The following PPP2R2A variants were observed in gnomAD, a reference collection of about 807,000 sequenced individuals.
PPP2R2A encodes serine/threonine-protein phosphatase 2A 55 kDa regulatory subunit B alpha isoform.
In PPP2R2A, 9 loss-of-function variants were observed where a neutral mutation model predicts 53.2. The ratio of observed to expected loss-of-function variants is 0.17; its 90% CI spans 0.10 to 0.30. The LOEUF (loss-of-function observed/expected upper bound fraction) is 0.30, where lower values mean the gene tolerates loss of function less well. PPP2R2A is among the 10% of genes least tolerant of loss of function. The pLI is 1.00. For synonymous variants in PPP2R2A, 169 were observed against 174.2 expected (o/e 0.97, Z 0.23); for missense variants, 235 against 534.6 (o/e 0.44, Z 5.53).
intron 1 of PPP2R2A, chr8:26,293,134 T>C: frequency 8.7e-7 from 1 of 1,148,824 alleles, no homozygotes; most frequent in Non-Finnish European, 1.2e-6. Context: ...TTCCTCTCTG[T>C]CTGGAGCCAG....
At chr8:26,336,650 G>C (rs912206807) in intron 2 of PPP2R2A, among the ~76,000 whole-genome samples, 27 of 152,202 alleles carry the variant, frequency 1.8e-4, no homozygotes, top group African/African-American at 6.0e-4. Context: ...GCTGAGGTGG[G>C]AGGATCACTG....
intron 3 of PPP2R2A, among the ~76,000 whole-genome samples, chr8:26,345,703 C>T (rs1804177527): frequency 6.6e-6 from 1 of 152,108 alleles, no homozygotes; most frequent in Non-Finnish European, 1.5e-5. Flanking sequence ...TGCCCCTTTG[C>T]AGTTACTGTG....
intron 2 of PPP2R2A, among the ~76,000 whole-genome samples, chr8:26,323,271 C>A (rs1177207776): frequency 6.6e-6 from 1 of 152,252 alleles, no homozygotes; most frequent in Admixed American, 6.5e-5. Flanking sequence ...AACACACACA[C>A]AGTTTCTTGC....
chr8:26,312,005 T>G lies in PPP2R2A; in HGVS notation c.82+18265T>G, dbSNP rs545029709. On this transcript the variant is annotated intron_variant, in intron 2 of 9. Transcript: ENST00000380737. ...GCTCCCCTTGCTACCTAGGGCAACG[T>G]TGTAAATAGCATATTTTTTACATTA... Among the ~76,000 whole-genome samples, 14 of 150,550 alleles carry G rather than the reference T, an allele frequency of 9.3e-5. No individual in the cohort carries two copies. In the East Asian group the frequency reaches 2.7e-3, roughly 29 times the overall value.
At chr8:26,314,124 A>G (rs1378805489) in intron 2 of PPP2R2A, among the ~76,000 whole-genome samples, 6 of 152,180 alleles carry the variant, frequency 3.9e-5, no homozygotes, top group Non-Finnish European at 7.3e-5. Flanking sequence ...CATGATCAAG[A>G]AGAATCAGTT....
rs1036784603 is a variant in PPP2R2A at position 26,371,705 on chromosome 8, A to T, written c.*1292A>T. 5 of 152,240 alleles carry T rather than the reference A, an allele frequency of 3.3e-5. No homozygotes were observed. Among genetic ancestry groups the T allele is most frequent in the African/African-American group, 9.6e-5 (4 of 41,462 alleles). 9.4% of individuals were successfully genotyped at this position (152,240 alleles called of 1,614,324 possible). On this transcript the variant is annotated 3_prime_UTR_variant, in exon 10 of 10. Transcript: ENST00000380737. ...ATTTTTGGTTTTCCAAAGCTATATG[A>T]AAGACAAATTTTTAAAGGTACAGCG...
Position 26,370,098 on chromosome 8 carries a change from T to C in PPP2R2A, c.1065-36T>C, listed in dbSNP as rs755743652. 2 of 1,579,366 alleles carry C rather than the reference T, an allele frequency of 1.3e-6. No individual in the cohort carries two copies. The highest frequency in any genetic ancestry group is 1.1e-5 in the South Asian group (1 of 87,744). ...TTTACTTGAAAACAATTTCTTGTTCTGCTTGTTTGACTGAGTGTACTGTCT... is the reference window on the plus strand; with the variant it reads ...TTTACTTGAAAACAATTTCTTGTTCCGCTTGTTTGACTGAGTGTACTGTCT... On this transcript the variant is annotated intron_variant, in intron 9 of 9. Transcript: ENST00000380737. The surrounding 1 kb of genome is among the most constrained non-coding windows in gnomAD (Gnocchi z 6.1).
At position 26,349,669 on chromosome 8, in the gene PPP2R2A, A is replaced by G. The variant is rs73675958; in HGVS notation, c.181-4799A>G. The stretch of plus-strand genomic sequence containing the variant: ...AATACTAGCAGATTATTACATAGCA[A>G]ACATTTAGGTCAAGAAATAGAACTT... On this transcript the variant is annotated intron_variant, in intron 3 of 9. Coordinates refer to ENST00000380737, the MANE Select transcript of PPP2R2A (RefSeq NM_002717.4). Among the ~76,000 whole-genome samples, 1,439 of 152,324 alleles carry G rather than the reference A, an allele frequency of 9.4e-3. 28 individuals carry two copies. The highest frequency in any genetic ancestry group is 0.032 in the African/African-American group (1,345 of 41,566).
intron 4 of PPP2R2A, among the ~76,000 whole-genome samples, chr8:26,359,680 G>C (rs1356764487): frequency 6.6e-6 from 1 of 152,076 alleles, no homozygotes; most frequent in Non-Finnish European, 1.5e-5. Context: ...TCCTATGGAG[G>C]CCTCTGTGGA....
Position 26,360,263 on chromosome 8 carries a change from T to C in PPP2R2A, c.441T>C (p.Thr147=). 2 of 1,596,550 alleles carry C rather than the reference T, an allele frequency of 1.3e-6. No homozygotes were observed. The highest frequency in any genetic ancestry group is 1.7e-6 in the Non-Finnish European group (2 of 1,166,298). ...KEEDGRYRDP[T]TVTTLRVPVF... ...AGGATGGAAGGTATAGAGATCCTAC[T>C]ACAGTTACTACACTACGAGTAAGTA... The change falls in exon 5 of 10, where the codon ACT becomes ACC. Residue 147 remains threonine, a synonymous_variant. Transcript: ENST00000380737. The surrounding 1 kb of genome is among the most constrained non-coding windows in gnomAD (Gnocchi z 4.5).
Position 26,371,428 on chromosome 8 carries a change from T to C in PPP2R2A, c.*1015T>C, listed in dbSNP as rs1338951400. 1.3e-5 allele frequency: 2 copies of C among 151,910 alleles called. No homozygotes were observed. The highest frequency in any genetic ancestry group is 2.4e-5 in the African/African-American group (1 of 41,388). 9.4% of individuals were successfully genotyped at this position (151,910 alleles called of 1,614,324 possible). Reference sequence around the variant, plus strand: ...CTCTATTTAACTCATTATGTGTTAATGAAATTGTTGTAAATGGGAACCAAA... The same window carrying C: ...CTCTATTTAACTCATTATGTGTTAACGAAATTGTTGTAAATGGGAACCAAA... On this transcript the variant is annotated 3_prime_UTR_variant, in exon 10 of 10. Coordinates refer to ENST00000380737, the MANE Select transcript of PPP2R2A (RefSeq NM_002717.4).
chr8:26,313,923 G>A (rs554981179), intron 2 of PPP2R2A, among the ~76,000 whole-genome samples: 2 of 152,328 alleles, frequency 1.3e-5, no homozygotes, highest in South Asian at 4.1e-4. Context: ...CGAATTTGCA[G>A]TAATTTGTTA....
rs1474925312 is a variant in PPP2R2A, at chr8:26,321,331, A to G, written c.83-17559A>G. 6.6e-6 allele frequency among the ~76,000 whole-genome samples: 1 copy of G among 152,142 alleles called. No individual in the cohort carries two copies. The highest frequency in any genetic ancestry group is 1.5e-5 in the Non-Finnish European group (1 of 68,016). ...ACCAGAGAAATGTGACCTGAGAGAG[A>G]AGCACAAAGTTGAAACTCTGCCCCC... On this transcript the variant is annotated intron_variant, in intron 2 of 9. Transcript: ENST00000380737. The surrounding 1 kb of genome is among the most constrained non-coding windows in gnomAD (Gnocchi z 4.1).
At chr8:26,369,462 C>T (rs945817716) in intron 9 of PPP2R2A, among the ~76,000 whole-genome samples, 3 of 151,892 alleles carry the variant, frequency 2.0e-5, no homozygotes, top group Admixed American at 2.0e-4. Flanking sequence ...ACGACCTTGG[C>T]TCACTGCAAG....
chr8:26,291,939 G>A (rs1056462703), intron 1 of PPP2R2A, 113 bp downstream of exon 1: 16 of 656,934 alleles, frequency 2.4e-5, no homozygotes, highest in African/African-American at 1.9e-5. Flanking sequence ...CGCCCCTCGG[G>A]TTTGAGGGAG....
intron 3 of PPP2R2A, among the ~76,000 whole-genome samples, chr8:26,342,005 G>C (rs943567191): frequency 6.6e-6 from 1 of 152,198 alleles, no homozygotes; most frequent in Non-Finnish European, 1.5e-5. Flanking sequence ...GTAATATAAA[G>C]AAACTGAGTA....
At chr8:26,339,164 T>A (rs897102098) in intron 3 of PPP2R2A, among the ~76,000 whole-genome samples, 177 bp downstream of exon 3, 5 of 152,208 alleles carry the variant, frequency 3.3e-5, no homozygotes, top group African/African-American at 9.6e-5. Context: ...TGTGCATGTG[T>A]GTACATGAGC....
At chr8:26,309,575 G>A (rs1802181441) in intron 2 of PPP2R2A, among the ~76,000 whole-genome samples, 1 of 152,170 alleles carries the variant, frequency 6.6e-6, no homozygotes, top group Non-Finnish European at 1.5e-5. Context: ...AGAGTCCTAG[G>A]TGGTATCTTC....
intron 2 of PPP2R2A, among the ~76,000 whole-genome samples, chr8:26,324,116 A>G (rs546890048): frequency 6.6e-6 from 1 of 152,062 alleles, no homozygotes; most frequent in African/African-American, 2.4e-5. Context: ...CTCTTTTCTC[A>G]TTAGGCCTGG....
Sources: gnomAD v4.1 joint callset for allele counts (sites outside exome capture counted in the v4.1 genomes callset) on GRCh38, gnomAD v4.1.1 for gene constraint, Gnocchi (gnomAD v3.1) non-coding constraint, MANE v1.5 for transcripts, NCBI Gene and HGNC (gene_info 2026-07-23, HGNC 2026-07-21) for gene names.